The following TMEM117 variants were observed in gnomAD, a reference collection of about 807,000 sequenced individuals.
TMEM117 encodes the protein transmembrane protein 117.
Under a neutral mutation model 52.4 loss-of-function variants are expected in TMEM117, and 27 were observed. The observed-to-expected ratio is 0.51, with a 90% CI of 0.38 to 0.71. TMEM117 has a LOEUF of 0.71. TMEM117 is among the 30% of genes least tolerant of loss of function. The pLI is 0.00. For missense variants in TMEM117, 556 were observed against 630.5 expected, an observed-to-expected ratio of 0.88 and a Z score of 1.26; for synonymous variants, 215 against 206.3, an observed-to-expected ratio of 1.04 and a Z score of -0.36.
chr12:43,884,510 C>T (rs1943956616), intron 2 of TMEM117, among the ~76,000 whole-genome samples: 1 of 152,088 alleles, frequency 6.6e-6, no homozygotes, highest in South Asian at 2.1e-4. Flanking sequence ...CCAGTAAAGG[C>T]TTCTGTTGAT....
chr12:44,011,061 T>C (rs1592438285), intron 3 of TMEM117, among the ~76,000 whole-genome samples: 1 of 152,208 alleles, frequency 6.6e-6, no homozygotes, highest in African/African-American at 2.4e-5. Context: ...TCCTGCAAGA[T>C]AGGTCTACTA....
intron 3 of TMEM117, among the ~76,000 whole-genome samples, chr12:44,041,148 G>A (rs532679025): frequency 6.6e-6 from 1 of 151,820 alleles, no homozygotes; most frequent in South Asian, 2.1e-4. Flanking sequence ...CAACATGCAG[G>A]TTTGTTACAT....
chr12:43,803,988 T>C, the TMEM117 span, among the ~76,000 whole-genome samples: 1 of 152,252 alleles, frequency 6.6e-6, no homozygotes, highest in African/African-American at 2.4e-5. Context: ...AGAATTATTT[T>C]TAAAGAATCA....
intron 3 of TMEM117, among the ~76,000 whole-genome samples, chr12:44,029,881 TTCTTG>T (rs1272268464): frequency 6.6e-6 from 1 of 152,222 alleles, no homozygotes; most frequent in Non-Finnish European, 1.5e-5. Flanking sequence ...TGAGGTTTCC[TTCTTG>T]TCTTGTATGT....
chr12:44,252,475 A>C (rs1950207280), intron 5 of TMEM117, among the ~76,000 whole-genome samples: 1 of 152,154 alleles, frequency 6.6e-6, no homozygotes, highest in Non-Finnish European at 1.5e-5. Flanking sequence ...CTGCACTCCA[A>C]CATGGGTCAC....
chr12:43,928,156 A>G (rs911930619), intron 2 of TMEM117, among the ~76,000 whole-genome samples: 4 of 152,078 alleles, frequency 2.6e-5, no homozygotes, highest in African/African-American at 9.7e-5. Flanking sequence ...CAATATCTTA[A>G]TCACCTGCTA....
At chr12:44,122,113 C>T (rs1196321940) in intron 3 of TMEM117, among the ~76,000 whole-genome samples, 1 of 150,568 alleles carries the variant, frequency 6.6e-6, no homozygotes, top group Admixed American at 6.6e-5. Context: ...GGCGCAATCT[C>T]CACTCACTGC....
chr12:43,845,460 C>CAAAAAAA (rs10677136), intron 2 of TMEM117, among the ~76,000 whole-genome samples: 4 of 37,954 alleles, frequency 1.1e-4, no homozygotes, highest in Admixed American at 3.1e-4. Context: ...GACTCCATCT[C>CAAAAAAA]AAAAAAAAAA....
chr12:44,380,601 A>G (rs1952006753), intron 7 of TMEM117, among the ~76,000 whole-genome samples: 5 of 152,076 alleles, frequency 3.3e-5, no homozygotes, highest in Admixed American at 3.3e-4. Flanking sequence ...CCCTTCAGAG[A>G]CTCAGTTTCT....
chr12:43,910,189 T>C (rs1944471752), intron 2 of TMEM117, among the ~76,000 whole-genome samples: 1 of 150,844 alleles, frequency 6.6e-6, no homozygotes, highest in Non-Finnish European at 1.5e-5. Context: ...GCTGGTTCAA[T>C]ATATGCAAAT....
intron 6 of TMEM117, among the ~76,000 whole-genome samples, chr12:44,336,732 T>G (rs2138739467): frequency 6.6e-6 from 1 of 152,058 alleles, no homozygotes; most frequent in Admixed American, 6.6e-5. Flanking sequence ...GAAAGCTATA[T>G]ATGTAAAACA....
intron 6 of TMEM117, among the ~76,000 whole-genome samples, chr12:44,328,253 A>G (rs1951222035): frequency 6.6e-6 from 1 of 152,212 alleles, no homozygotes; most frequent in African/African-American, 2.4e-5. Flanking sequence ...CCTTGAAGGC[A>G]CAGCCATCGT....
intron 6 of TMEM117, among the ~76,000 whole-genome samples, chr12:44,305,526 GAC>G (rs1950893352): frequency 6.8e-6 from 1 of 146,296 alleles, no homozygotes; most frequent in Admixed American, 6.8e-5. Flanking sequence ...AAAAAAAAAA[GAC>G]AAGCAGCCAA....
chr12:43,857,383 G>A (rs889727785), intron 2 of TMEM117, among the ~76,000 whole-genome samples: 3 of 150,458 alleles, frequency 2.0e-5, no homozygotes, highest in African/African-American at 7.3e-5. Context: ...TTCTTACCAG[G>A]TCCAATCATT....
At chr12:43,937,706 A>G (rs1944975596) in intron 2 of TMEM117, among the ~76,000 whole-genome samples, 1 of 152,188 alleles carries the variant, frequency 6.6e-6, no homozygotes, top group South Asian at 2.1e-4. Context: ...CATACAGTGG[A>G]ATATTATTTG....
intron 3 of TMEM117, among the ~76,000 whole-genome samples, chr12:44,024,846 A>G (rs1946508152): frequency 6.6e-6 from 1 of 152,162 alleles, no homozygotes; most frequent in Admixed American, 6.5e-5. Flanking sequence ...ATCTACATAT[A>G]TATTTGTGTT....
At chr12:44,189,053 T>C (rs1053906351) in intron 4 of TMEM117, among the ~76,000 whole-genome samples, 4 of 152,168 alleles carry the variant, frequency 2.6e-5, no homozygotes, top group African/African-American at 9.6e-5. Context: ...ATTTATCTTT[T>C]CTTTATGCTA....
chr12:44,386,667 G>A (rs1174309558), intron 7 of TMEM117, among the ~76,000 whole-genome samples: 5 of 151,904 alleles, frequency 3.3e-5, no homozygotes, highest in Non-Finnish European at 5.9e-5. Flanking sequence ...TCTAGTAATC[G>A]CATGAAATTC....
At chr12:43,994,382 A>G (rs1279495347) in intron 3 of TMEM117, among the ~76,000 whole-genome samples, 2 of 152,178 alleles carry the variant, frequency 1.3e-5, no homozygotes, top group African/African-American at 2.4e-5. Context: ...TCTTTATCTT[A>G]TATTCCTATC....
Sources: allele counts gnomAD v4.1 joint callset (sites outside exome capture counted in the v4.1 genomes callset), GRCh38; gene constraint gnomAD v4.1.1; transcripts MANE v1.5; gene names NCBI Gene and HGNC (gene_info 2026-07-23, HGNC 2026-07-21).